The following EDA variants were observed in gnomAD, a reference collection of about 807,000 sequenced individuals.
EDA encodes the protein ectodysplasin-A.
Under a neutral mutation model 23.6 loss-of-function variants are expected in EDA, and 2 were observed. The ratio of observed to expected loss-of-function variants is 0.08; its 90% confidence interval spans 0.03 to 0.27. EDA has a LOEUF of 0.27. EDA is among the 10% of genes least tolerant of loss of function. The probability of loss-of-function intolerance (pLI) is 1.00; values close to 1 mark genes in which losing one functional copy is unlikely to be tolerated. For missense variants in EDA, 229 were observed against 324.2 expected, an observed-to-expected ratio of 0.71 and a Z score of 2.26; for synonymous variants, 131 against 132.0, an observed-to-expected ratio of 0.99 and a Z score of 0.05.
intron 1 of EDA, among the ~76,000 whole-genome samples, chrX:69,783,725 T>G (rs1278665251): frequency 9.0e-6 from 1 of 111,569 alleles, no homozygotes; most frequent in East Asian, 2.8e-4. Flanking sequence ...CTTTGTTTGC[T>G]ATTGTGAATA....
intron 1 of EDA, among the ~76,000 whole-genome samples, chrX:69,812,144 T>C (rs958796026): frequency 1.8e-5 from 2 of 112,341 alleles, no homozygotes; most frequent in Non-Finnish European, 3.8e-5. Flanking sequence ...AAAAAGCTAC[T>C]AGTGTTTTTT....
intron 1 of EDA, among the ~76,000 whole-genome samples, chrX:69,924,758 T>C (rs1373911521): frequency 8.9e-6 from 1 of 112,379 alleles, no homozygotes; most frequent in African/African-American, 3.2e-5. Context: ...ATTTTCATGA[T>C]ACTGATTCTT....
chrX:69,768,006 G>A (rs2014520547), intron 1 of EDA, among the ~76,000 whole-genome samples: 2 of 111,916 alleles, frequency 1.8e-5, no homozygotes, highest in South Asian at 7.4e-4. Flanking sequence ...ATTTGATGAA[G>A]CATTCATTCA....
intron 1 of EDA, among the ~76,000 whole-genome samples, chrX:69,885,868 A>C (rs987140862): frequency 1.8e-5 from 2 of 112,217 alleles, no homozygotes; most frequent in Non-Finnish European, 3.8e-5. Context: ...GGAATTATGC[A>C]TACTACTGCC....
intron 1 of EDA, among the ~76,000 whole-genome samples, chrX:69,676,934 C>G (rs1215321615): frequency 2.8e-4 from 28 of 101,606 alleles, no homozygotes; most frequent in Non-Finnish European, 4.4e-4. Flanking sequence ...CCCACTAACT[C>G]GTCATCTAGC....
chrX:69,749,710 G>A (rs1348107095), intron 1 of EDA: 1 of 111,417 alleles, frequency 9.0e-6, no homozygotes, highest in Non-Finnish European at 1.9e-5. Context: ...TGCAGGAAAA[G>A]AGCTGATAAA....
intron 1 of EDA, among the ~76,000 whole-genome samples, chrX:69,901,867 A>G (rs2018104311): frequency 8.9e-6 from 1 of 111,844 alleles, no homozygotes; most frequent in African/African-American, 3.2e-5. Context: ...CAATTCACAC[A>G]TTCTTTCTGT....
At chrX:69,628,096 G>T (rs1394319150) in intron 1 of EDA, among the ~76,000 whole-genome samples, 1 of 111,908 alleles carries the variant, frequency 8.9e-6, no homozygotes, top group Non-Finnish European at 1.9e-5. Flanking sequence ...CAGCCGCAAT[G>T]AAATTGATTT....
intron 1 of EDA, among the ~76,000 whole-genome samples, chrX:69,618,705 C>T (rs1932071201): frequency 9.0e-6 from 1 of 111,142 alleles, no homozygotes; most frequent in East Asian, 2.9e-4. Context: ...AGAACTTTTG[C>T]AAAGTAGAGG....
intron 1 of EDA, among the ~76,000 whole-genome samples, chrX:69,793,564 G>GTTTTTTTTTTTTTTTTTTTTTTT (rs1362047098): frequency 6.1e-5 from 2 of 32,897 alleles, no homozygotes; most frequent in African/African-American, 3.4e-4. Flanking sequence ...TTGTTTGTTT[G>GTTTTTTTTTTTTTTTTTTTTTTT]TTTTTGTTTT....
intron 1 of EDA, among the ~76,000 whole-genome samples, chrX:69,658,096 A>G (rs779590986): frequency 9.1e-4 from 101 of 111,249 alleles, no homozygotes; most frequent in Non-Finnish European, 1.7e-3. Context: ...CTTCTAGCCC[A>G]TGAGCATGGA....
intron 2 of EDA, among the ~76,000 whole-genome samples, chrX:70,010,578 A>G (rs1158933679): frequency 8.9e-6 from 1 of 112,006 alleles, no homozygotes; most frequent in Non-Finnish European, 1.9e-5. Flanking sequence ...TTATCTTTTA[A>G]CTGGTGTGTT....
chrX:69,897,683 GC>G (rs1423623844), intron 1 of EDA, among the ~76,000 whole-genome samples: 1 of 111,440 alleles, frequency 9.0e-6, no homozygotes, highest in African/African-American at 3.3e-5. Flanking sequence ...GGGTAACATA[GC>G]CCCCATGCTG....
At chrX:69,782,383 AAAAAAAAAAC>A (rs2014978241) in intron 1 of EDA, among the ~76,000 whole-genome samples, 1 of 104,418 alleles carries the variant, frequency 9.6e-6, no homozygotes, top group African/African-American at 3.7e-5. Context: ...AAAAAAAAAA[AAAAAAAAAAC>A]ATTAAGCAGC....
chrX:69,978,318 TAAAAAAAAAAAAAAAAAAA>T (rs144187734), intron 2 of EDA, among the ~76,000 whole-genome samples: 966 of 20,480 alleles, frequency 0.047, 32 homozygotes, highest in African/African-American at 0.11. Flanking sequence ...ACTCCATCTC[TAAAAAAAAAAAAAAAAAAA>T]AAAAAAAAAA....
At chrX:69,815,056 T>A (rs1321810390) in intron 1 of EDA, among the ~76,000 whole-genome samples, 2 of 111,994 alleles carry the variant, frequency 1.8e-5, no homozygotes, top group Admixed American at 9.4e-5. Flanking sequence ...ACGTCATTCT[T>A]TGGGCCCCAC....
At chrX:69,959,583 AT>A (rs1051934154) in intron 2 of EDA, among the ~76,000 whole-genome samples, 1 of 111,781 alleles carries the variant, frequency 8.9e-6, no homozygotes, top group African/African-American at 3.2e-5. Context: ...TTCAATAAGG[AT>A]TTTTTTTAAT....
intron 1 of EDA, among the ~76,000 whole-genome samples, chrX:69,713,142 A>G (rs772424108): frequency 9.0e-6 from 1 of 111,526 alleles, no homozygotes; most frequent in South Asian, 3.8e-4. Flanking sequence ...CAACACACCA[A>G]CATGGCACAT....
chrX:69,977,454 A>G (rs1162281507), intron 2 of EDA, among the ~76,000 whole-genome samples: 1 of 112,022 alleles, frequency 8.9e-6, no homozygotes, highest in Non-Finnish European at 1.9e-5. Context: ...CCAAAGTAAT[A>G]TAAATCTACA....
Sources: allele counts gnomAD v4.1 joint callset (sites outside exome capture counted in the v4.1 genomes callset), GRCh38; gene constraint gnomAD v4.1.1; transcripts MANE v1.5; gene names NCBI Gene and HGNC (gene_info 2026-07-23, HGNC 2026-07-21).